TTLL11: variants seen among roughly 807,000 people sequenced by gnomAD.
The protein encoded by TTLL11 is tubulin polyglutamylase TTLL11.
In TTLL11, 42 loss-of-function variants were observed where a neutral mutation model predicts 51.7. That is an observed-to-expected ratio of 0.81 (90% confidence interval 0.64 to 1.05). The LOEUF is 1.05. TTLL11 is among the 50% of genes least tolerant of loss of function. The pLI is 0.00. For missense variants in TTLL11, 799 were observed against 940.4 expected, an observed-to-expected ratio of 0.85 and a Z score of 1.97; for synonymous variants, 381 against 383.5, an observed-to-expected ratio of 0.99 and a Z score of 0.08.
chr9:121,988,613 T>C (rs1842999817), intron 4 of TTLL11, among the ~76,000 whole-genome samples: 1 of 152,188 alleles, frequency 6.6e-6, no homozygotes, highest in Admixed American at 6.5e-5. Flanking sequence ...AACTGCTATT[T>C]CTTCTGGGAA....
chr9:121,837,080 G>A (rs551733530), intron 8 of TTLL11, among the ~76,000 whole-genome samples: 8 of 152,020 alleles, frequency 5.3e-5, no homozygotes, highest in Non-Finnish European at 7.4e-5. Context: ...ACGCTTCTCC[G>A]TGTCAGCATA....
intron 8 of TTLL11, among the ~76,000 whole-genome samples, chr9:121,830,063 G>A (rs1298916825): frequency 1.3e-5 from 2 of 152,186 alleles, no homozygotes; most frequent in African/African-American, 4.8e-5. Flanking sequence ...CTGGCACACA[G>A]TGAGCACCAA....
At chr9:121,967,174 C>A (rs1842420064) in intron 6 of TTLL11, among the ~76,000 whole-genome samples, 1 of 148,304 alleles carries the variant, frequency 6.7e-6, no homozygotes, top group South Asian at 2.1e-4. Flanking sequence ...TGCCAGGACA[C>A]AGGCCGCTCC....
chr9:121,927,968 G>C (rs1262323362), intron 6 of TTLL11, among the ~76,000 whole-genome samples: 1 of 152,150 alleles, frequency 6.6e-6, no homozygotes, highest in Non-Finnish European at 1.5e-5. Flanking sequence ...TCAGAAGTCA[G>C]CATAGGAGCT....
intron 6 of TTLL11, among the ~76,000 whole-genome samples, chr9:121,954,272 G>T (rs761736674): frequency 1.3e-5 from 2 of 152,204 alleles, no homozygotes; most frequent in Non-Finnish European, 2.9e-5. Flanking sequence ...CCAGAGGAAT[G>T]ATCTCTCATA....
At position 122,093,156 on chromosome 9, in the gene TTLL11, A is replaced by G. The variant is rs750118555; in HGVS notation, c.-8T>C. The stretch of plus-strand genomic sequence containing the variant: ...GGAGCTGCCCCGCCGCATGGTGCTC[A>G]GGGCCGGGGCCAGTGCCAGTGCCAC... On this transcript the variant is annotated 5_prime_UTR_variant, in exon 1 of 9. The change abolishes the stop of an existing upstream ORF in the 5' untranslated region. Transcript: ENST00000321582. The G allele has an allele frequency of 5.0e-5, 75 of 1,490,534 alleles. No homozygotes were observed. Among genetic ancestry groups the G allele is most frequent in the Non-Finnish European group, 6.2e-5 (70 of 1,126,592 alleles). The allele number at this position is 1,490,534 out of a possible 1,614,324, so 92.3% of individuals were successfully genotyped here. A position where few individuals can be genotyped will look rare whatever the true frequency, so the allele number is the denominator to read the frequency against.
intron 6 of TTLL11, among the ~76,000 whole-genome samples, chr9:121,927,726 G>A (rs1451607318): frequency 2.0e-5 from 3 of 151,874 alleles, no homozygotes; most frequent in African/African-American, 4.8e-5. Flanking sequence ...AGGAGTTAGC[G>A]AGGCAAAGAA....
chr9:121,816,235 G>C lies in TTLL11; in HGVS notation c.*6352C>G, dbSNP rs1836401142. ...GCCTCCTCTGGGATTCTCAGCCCTC[G>C]CTTTCCCCATTCTGATGCAACAGGT... On this transcript the variant is annotated 3_prime_UTR_variant, in exon 9 of 9. Coordinates refer to ENST00000321582, the MANE Select transcript of TTLL11 (RefSeq NM_001139442.2). 1.3e-5 allele frequency: 2 copies of C among 152,150 alleles called. No individual in the cohort carries two copies. The highest frequency in any genetic ancestry group is 2.4e-5 in the African/African-American group (1 of 41,418). The allele number at this position is 152,150 out of a possible 1,614,324, so 9.4% of individuals were successfully genotyped here. A position where few individuals can be genotyped will look rare whatever the true frequency, so the allele number is the denominator to read the frequency against.
At chr9:121,849,237 C>T (rs10985420) in intron 8 of TTLL11, among the ~76,000 whole-genome samples, 78,835 of 152,112 alleles carry the variant, frequency 0.52, 21,353 homozygotes, top group East Asian at 0.72. Context: ...AGAACTTACA[C>T]CTTTCACAAA....
At chr9:122,015,685 T>G (rs577569469) in intron 3 of TTLL11, among the ~76,000 whole-genome samples, 2 of 152,076 alleles carry the variant, frequency 1.3e-5, no homozygotes, top group South Asian at 4.2e-4. Flanking sequence ...CCGGACGGCA[T>G]CACTTTGGTA....
chr9:121,892,797 T>C (rs1189805825), intron 6 of TTLL11, among the ~76,000 whole-genome samples: 2 of 152,198 alleles, frequency 1.3e-5, no homozygotes, highest in Non-Finnish European at 2.9e-5. Flanking sequence ...AGGTCCCCTT[T>C]GTCGTGGCCA....
At chr9:122,031,162 T>C (rs1424049605) in intron 3 of TTLL11, among the ~76,000 whole-genome samples, 1 of 152,190 alleles carries the variant, frequency 6.6e-6, no homozygotes, top group African/African-American at 2.4e-5. Context: ...CAGTTCTGAG[T>C]TCCACTTCAC....
intron 6 of TTLL11, among the ~76,000 whole-genome samples, chr9:121,966,675 G>C (rs971510624): frequency 3.3e-5 from 5 of 152,174 alleles, no homozygotes; most frequent in African/African-American, 1.2e-4. Flanking sequence ...AGCTTTGAAT[G>C]TGAAATGGAA....
Position 121,936,629 on chromosome 9 carries a change from G to A in TTLL11, c.1481+37380C>T, listed in dbSNP as rs114959599. Reference sequence around the variant, plus strand: ...TGTCCTTATACAGGTATAACTGGAAGGTCCTTTCCTTGCCAGAGCAGGCTC... The same window carrying A: ...TGTCCTTATACAGGTATAACTGGAAAGTCCTTTCCTTGCCAGAGCAGGCTC... On this transcript the variant is annotated intron_variant, in intron 6 of 8. Transcript: ENST00000321582. Among the ~76,000 whole-genome samples the A allele has an allele frequency of 3.3e-3, 509 of 152,268 alleles. 2 individuals carry two copies. Among genetic ancestry groups the A allele is most frequent in the African/African-American group, 0.012 (494 of 41,548 alleles).
At chr9:121,984,175 G>C (rs1254282241) in intron 4 of TTLL11, among the ~76,000 whole-genome samples, 2 of 152,110 alleles carry the variant, frequency 1.3e-5, no homozygotes, top group East Asian at 3.8e-4. Flanking sequence ...TTGGGGTCAG[G>C]GGTGACAAAT....
At chr9:122,055,271 C>G (rs1419414830) in intron 1 of TTLL11, among the ~76,000 whole-genome samples, 1 of 150,716 alleles carries the variant, frequency 6.6e-6, no homozygotes, top group Non-Finnish European at 1.5e-5. Flanking sequence ...TATTAACTCA[C>G]ATGATCACAA....
intron 1 of TTLL11, among the ~76,000 whole-genome samples, chr9:122,092,314 A>G (rs754105227): frequency 6.6e-6 from 1 of 152,218 alleles, no homozygotes; most frequent in Non-Finnish European, 1.5e-5. Context: ...CTAAACAAAT[A>G]TAACTTCAAT....
At chr9:121,900,725 C>A (rs1281062970) in intron 6 of TTLL11, among the ~76,000 whole-genome samples, 3 of 152,116 alleles carry the variant, frequency 2.0e-5, no homozygotes, top group Non-Finnish European at 4.4e-5. Flanking sequence ...TCAAATGTAT[C>A]TTTCAGTTGT....
At position 121,816,480 on chromosome 9, in the gene TTLL11, A is replaced by T. The variant is rs1331300018; in HGVS notation, c.*6107T>A. ...TAACACTCGGAAGCCAATCACCAGAAATGAGAAAAACATCGTAATTTTGCC... is the reference window on the plus strand; with the variant it reads ...TAACACTCGGAAGCCAATCACCAGATATGAGAAAAACATCGTAATTTTGCC... On this transcript the variant is annotated 3_prime_UTR_variant, in exon 9 of 9. Coordinates refer to ENST00000321582, the MANE Select transcript of TTLL11 (RefSeq NM_001139442.2). 3 of 152,228 alleles carry T rather than the reference A, an allele frequency of 2.0e-5. No individual in the cohort carries two copies. The highest frequency in any genetic ancestry group is 4.4e-5 in the Non-Finnish European group (3 of 68,060). 9.4% of individuals were successfully genotyped at this position (152,228 alleles called of 1,614,324 possible).
Sources: allele counts gnomAD v4.1 joint callset (sites outside exome capture counted in the v4.1 genomes callset), GRCh38; gene constraint gnomAD v4.1.1; transcripts MANE v1.5; gene names NCBI Gene and HGNC (gene_info 2026-07-23, HGNC 2026-07-21).